TRIM5: variants seen among roughly 807,000 people sequenced by gnomAD.
TRIM5 encodes tripartite motif containing 5, also known as tripartite motif-containing protein 5.
In TRIM5, 31 loss-of-function variants were observed where a neutral mutation model predicts 35.6. The observed-to-expected ratio is 0.87, with a 90% CI of 0.65 to 1.18. The LOEUF (loss-of-function observed/expected upper bound fraction) is 1.18, where lower values mean the gene tolerates loss of function less well. Ranked by LOEUF, TRIM5 falls within the 50% of genes most tolerant of loss-of-function variation. The pLI is 0.00. For missense variants in TRIM5, 609 were observed against 591.6 expected, an observed-to-expected ratio of 1.03 and a Z score of -0.31; for synonymous variants, 243 against 215.6, an observed-to-expected ratio of 1.13 and a Z score of -1.11.
chr11:5,609,144 C>T, the TRIM5 span, among the ~76,000 whole-genome samples: 3 of 152,118 alleles, frequency 2.0e-5, no homozygotes, highest in South Asian at 6.2e-4. Context: ...TTCTCTATCA[C>T]ATACTCCAGA....
chr11:5,643,502 G>A, the TRIM5 span: 2 of 1,614,148 alleles, frequency 1.2e-6, no homozygotes, highest in Non-Finnish European at 1.7e-6. Context: ...CTGATCCCGA[G>A]GTTTTGACTC....
the TRIM5 span, chr11:5,645,701 G>A: frequency 6.2e-6 from 1 of 162,274 alleles, no homozygotes; most frequent in Non-Finnish European, 1.3e-5. Context: ...TTCTTCAGAA[G>A]AGAGTGGGGA....
the TRIM5 span, chr11:5,608,461 T>TGGGAAAGGGAAGAAGAATCAGAGTG: frequency 2.5e-6 from 4 of 1,599,376 alleles, no homozygotes; most frequent in Admixed American, 6.8e-5. Flanking sequence ...CCATGATCAG[T>TGGGAAAGGGAAGAAGAATCAGAGTG]GGGAAAGGGA....
the TRIM5 span, among the ~76,000 whole-genome samples, chr11:5,608,125 C>T: frequency 4.6e-5 from 7 of 152,232 alleles, no homozygotes; most frequent in African/African-American, 1.7e-4. Context: ...CATAACATTA[C>T]ACACACATAT....
the TRIM5 span, chr11:5,634,035 C>A: frequency 2.2e-6 from 2 of 923,540 alleles, no homozygotes; most frequent in Non-Finnish European, 3.2e-6. Context: ...CTGTCCTGTC[C>A]CTGTTGGGGG....
At chr11:5,610,742 G>C in the TRIM5 span, 668 of 1,605,134 alleles carry the variant, frequency 4.2e-4, 6 homozygotes, top group African/African-American at 8.0e-3. Context: ...CCATGTCCCC[G>C]TTCTCATCTG....
chr11:5,675,036 CT>C (rs112226102), intron 4 of TRIM5, among the ~76,000 whole-genome samples: 4 of 148,888 alleles, frequency 2.7e-5, no homozygotes, highest in Admixed American at 6.7e-5. Context: ...GAGCAGTTTT[CT>C]TTTTTTTTTG....
the TRIM5 span, among the ~76,000 whole-genome samples, chr11:5,597,386 T>G: frequency 2.6e-5 from 4 of 152,232 alleles, no homozygotes; most frequent in Admixed American, 2.6e-4. Flanking sequence ...ATTTTTAAAT[T>G]ATAGGTTTCT....
the TRIM5 span, among the ~76,000 whole-genome samples, chr11:5,588,712 A>AT: frequency 8.6e-5 from 13 of 151,062 alleles, no homozygotes; most frequent in African/African-American, 2.9e-4. Context: ...ATCAATTGTG[A>AT]TTAGAATTAA....
intron 4 of TRIM5, among the ~76,000 whole-genome samples, chr11:5,672,317 G>T (rs2880345): frequency 0.84 from 127,631 of 152,012 alleles, 53,616 homozygotes; most frequent in Non-Finnish European, 0.85. Flanking sequence ...GTTCAAGCGA[G>T]TCTCCTGCCT....
intron 4 of TRIM5, among the ~76,000 whole-genome samples, chr11:5,674,679 G>A (rs931142809): frequency 2.6e-5 from 4 of 152,246 alleles, no homozygotes; most frequent in South Asian, 2.1e-4. Context: ...ATCTAAATGC[G>A]AGGTTGCCCT....
chr11:5,638,472 G>C, the TRIM5 span, among the ~76,000 whole-genome samples: 44 of 150,742 alleles, frequency 2.9e-4, no homozygotes, highest in Non-Finnish European at 4.1e-4. Context: ...CCATTTATTT[G>C]GTTGTACACC....
the TRIM5 span, chr11:5,641,333 C>T: frequency 9.8e-6 from 15 of 1,529,780 alleles, no homozygotes; most frequent in Admixed American, 1.8e-4. Context: ...TGCTGGTCCC[C>T]GATGAGTATT....
At chr11:5,591,487 A>G in the TRIM5 span, among the ~76,000 whole-genome samples, 1 of 152,308 alleles carries the variant, frequency 6.6e-6, no homozygotes, top group Admixed American at 6.5e-5. Context: ...TGTCTCTACT[A>G]AAAATACAAA....
intron 4 of TRIM5, among the ~76,000 whole-genome samples, chr11:5,676,939 T>C (rs1011367080): frequency 1.3e-5 from 2 of 151,098 alleles, no homozygotes; most frequent in East Asian, 1.9e-4. Context: ...TTACACCTTA[T>C]ACAAAAATCA....
chr11:5,678,751 T>G (rs768863740), intron 3 of TRIM5, among the ~76,000 whole-genome samples: 2 of 152,176 alleles, frequency 1.3e-5, no homozygotes, highest in Admixed American at 1.3e-4. Context: ...CTGCCAAAAG[T>G]TGAACACTGA....
intron 1 of TRIM5, among the ~76,000 whole-genome samples, chr11:5,681,232 A>C (rs4992800): frequency 0.9 from 137,448 of 152,150 alleles, 62,705 homozygotes; most frequent in Non-Finnish European, 0.97. Context: ...TGTTCCCGGA[A>C]CAAACGGAGG....
chr11:5,640,648 G>C, the TRIM5 span, among the ~76,000 whole-genome samples: 1 of 152,004 alleles, frequency 6.6e-6, no homozygotes, highest in Non-Finnish European at 1.5e-5. Context: ...TATCAGGGTA[G>C]GATGAGCCTC....
intron 6 of TRIM5, 87 bp downstream of exon 6, chr11:5,665,894 A>G: frequency 2.2e-6 from 3 of 1,382,180 alleles, no homozygotes; most frequent in South Asian, 1.4e-5. Flanking sequence ...CCCTCTATCC[A>G]TATTTGGAAA....
Sources: gnomAD v4.1 joint callset for allele counts (sites outside exome capture counted in the v4.1 genomes callset) on GRCh38, gnomAD v4.1.1 for gene constraint, MANE v1.5 for transcripts, NCBI Gene and HGNC (gene_info 2026-07-23, HGNC 2026-07-21) for gene names.